The following PCDH10 variants were observed in gnomAD, a reference collection of about 807,000 sequenced individuals.
The protein encoded by PCDH10 is protocadherin-10.
PCDH10 carries 15 observed loss-of-function variants against 74.4 expected under a neutral mutation model. That is an observed-to-expected ratio of 0.20 (90% CI 0.13 to 0.31). The LOEUF (loss-of-function observed/expected upper bound fraction) is 0.31. Among genes scored for constraint, PCDH10 ranks in the 10% least tolerant of loss-of-function variants. The pLI is 1.00. For missense variants in PCDH10, 1,260 were observed against 1,390.2 expected (o/e 0.91, Z 1.49); for synonymous variants, 619 against 589.8 (o/e 1.05, Z -0.72).
intron 4 of PCDH10, among the ~76,000 whole-genome samples, chr4:133,165,301 GT>G (rs34380819): frequency 0.5 from 73,307 of 146,744 alleles, 18,319 homozygotes; most frequent in Admixed American, 0.56. Context: ...GTCTAGACTG[GT>G]TTTTTTTTTT....
intron 1 of PCDH10, among the ~76,000 whole-genome samples, 178 bp from the exon 2 acceptor site, chr4:133,154,129 C>G (rs1726807352): frequency 6.6e-6 from 1 of 151,932 alleles, no homozygotes; most frequent in Non-Finnish European, 1.5e-5. Flanking sequence ...TTTAAGTGTC[C>G]CTGCATATCT....
Position 133,190,498 on chromosome 4 carries a change from G to T in PCDH10, c.*338G>T, listed in dbSNP as rs757994366. On this transcript the variant is annotated 3_prime_UTR_variant, in exon 5 of 5. Coordinates refer to ENST00000264360, the MANE Select transcript of PCDH10 (RefSeq NM_032961.3). Reference sequence around the variant, plus strand: ...TTCACCACGAGAAGCCAGTCATAAAGATAAAGGAAATTTGTGCATTATAAA... The same window carrying T: ...TTCACCACGAGAAGCCAGTCATAAATATAAAGGAAATTTGTGCATTATAAA... 2.3e-5 allele frequency: 6 copies of T among 264,160 alleles called. No homozygotes were observed. Among genetic ancestry groups the T allele is most frequent in the Non-Finnish European group, 4.3e-5 (6 of 140,586 alleles). 16.4% of individuals were successfully genotyped at this position (264,160 alleles called of 1,614,324 possible).
chr4:133,185,705 C>A (rs1354365536), intron 4 of PCDH10, among the ~76,000 whole-genome samples: 1 of 152,052 alleles, frequency 6.6e-6, no homozygotes, highest in Non-Finnish European at 1.5e-5. Flanking sequence ...GGAAATTTTT[C>A]ACTGTAGTGG....
intron 4 of PCDH10, among the ~76,000 whole-genome samples, chr4:133,165,499 C>A (rs1463939480): frequency 6.6e-6 from 1 of 151,442 alleles, no homozygotes; most frequent in Non-Finnish European, 1.5e-5. Flanking sequence ...TACTTGTGTC[C>A]TTTTTCATTC....
chr4:133,170,791 C>A (rs957554572), intron 4 of PCDH10, among the ~76,000 whole-genome samples: 1 of 152,072 alleles, frequency 6.6e-6, no homozygotes, highest in Non-Finnish European at 1.5e-5. Context: ...CTCCCGGGTT[C>A]GAGCGATTTT....
At chr4:133,203,459 T>C (rs535381059) in intron 2 of PCDH10, among the ~76,000 whole-genome samples, 1 of 152,170 alleles carries the variant, frequency 6.6e-6, no homozygotes, top group Non-Finnish European at 1.5e-5. Flanking sequence ...AGACTTAAGT[T>C]GGGTTTTAAA....
At chr4:133,183,206 A>G (rs12506534) in intron 4 of PCDH10, among the ~76,000 whole-genome samples, 30,087 of 152,002 alleles carry the variant, frequency 0.2, 3,380 homozygotes, top group Admixed American at 0.32. Context: ...AACAAAATTG[A>G]GTTACTATAA....
downstream of PCDH10, among the ~76,000 whole-genome samples, chr4:133,194,871 G>T (rs1393524338): frequency 6.6e-6 from 1 of 151,874 alleles, no homozygotes; most frequent in Non-Finnish European, 1.5e-5. Context: ...TACCCAAAAT[G>T]AATCATAGAA....
At position 133,193,057 on chromosome 4, in the gene PCDH10, G is replaced by T. The variant is rs1320920892; in HGVS notation, c.*2897G>T. ...ATGTCATTTACTCCTTGTTAACATGGTTAGTTTTAGAGCAGTCAAAGTCAA... is the reference window on the plus strand; with the variant it reads ...ATGTCATTTACTCCTTGTTAACATGTTTAGTTTTAGAGCAGTCAAAGTCAA... On this transcript the variant is annotated 3_prime_UTR_variant, in exon 5 of 5. Coordinates refer to ENST00000264360, the MANE Select transcript of PCDH10 (RefSeq NM_032961.3). 2 of 150,828 alleles carry T rather than the reference G, an allele frequency of 1.3e-5. No individual in the cohort carries two copies. The highest frequency in any genetic ancestry group is 1.3e-4 in the Admixed American group (2 of 15,108). The allele number at this position is 150,828 out of a possible 1,614,324, so 9.3% of individuals were successfully genotyped here. A position where few individuals can be genotyped will look rare whatever the true frequency, so the allele number is the denominator to read the frequency against.
In PCDH10 at chr4:133,163,301, G is replaced by A. The variant is rs776242967; in HGVS notation, c.3103+19G>A. On this transcript the variant is annotated intron_variant, in intron 4 of 4. Transcript: ENST00000264360. The stretch of plus-strand genomic sequence containing the variant: ...TATTTGAGTAAGTATTACACAAAGG[G>A]CTCTGTTAAAGTGTTCCCTTTGAGG... 14 of 1,581,764 alleles carry A rather than the reference G, an allele frequency of 8.9e-6. No individual in the cohort carries two copies. The highest frequency in any genetic ancestry group is 1.2e-5 in the Non-Finnish European group (14 of 1,161,144).
In PCDH10 at chr4:133,152,000, C is replaced by T. The variant is rs778918037; in HGVS notation, c.1860C>T (p.Ile620=). 6.2e-7 allele frequency: 1 copy of T among 1,612,758 alleles called. No homozygotes were observed. The highest frequency in any genetic ancestry group is 1.1e-5 in the South Asian group (1 of 91,066). ...AGAACGCCCGGCTCACTTACAGCAT[C>T]GTGCGTGGCAACGAAATGAACCTCT... ...DGENARLTYS[I]VRGNEMNLFR... is the part of the protein sequence containing the mutation. The change falls in exon 1 of 5, where the codon ATC becomes ATT. Residue 620 remains isoleucine (I), a synonymous_variant. Coordinates refer to ENST00000264360, the MANE Select transcript of PCDH10 (RefSeq NM_032961.3).
At chr4:133,183,525 T>C (rs1727463581) in intron 4 of PCDH10, among the ~76,000 whole-genome samples, 1 of 152,172 alleles carries the variant, frequency 6.6e-6, no homozygotes, top group African/African-American at 2.4e-5. Context: ...AGCTCCTATT[T>C]TTAAAGCTGT....
At chr4:133,164,748 A>C (rs1007700175) in intron 4 of PCDH10, among the ~76,000 whole-genome samples, 2 of 151,440 alleles carry the variant, frequency 1.3e-5, no homozygotes, top group South Asian at 2.1e-4. Flanking sequence ...TAATGGAAAC[A>C]ATTTTTATTA....
At position 133,201,787 on chromosome 4, in the gene PCDH10, C is replaced by T. The variant is rs910825290; in HGVS notation, n.438-6289C>T. Among the ~76,000 whole-genome samples, 8 of 130,850 alleles carry T rather than the reference C, an allele frequency of 6.1e-5. No individual in the cohort carries two copies. The East Asian group carries it at 7.4e-4, about 12-fold the overall frequency. 85.8% of individuals were successfully genotyped at this position (130,850 alleles called of 152,430 possible). ...AAGAGAATCGCTTGAACCTGGGAGG[C>T]GGAGGTTGCAGTGAGCTGAGATCAT... is the stretch of plus-strand genomic sequence containing the variant. On this transcript the variant is annotated intron_variant and non_coding_transcript_variant, in intron 2 of 2. Coordinates refer to the PCDH10 transcript ENST00000511112.
At chr4:133,178,329 C>T (rs1045814383) in intron 4 of PCDH10, among the ~76,000 whole-genome samples, 1 of 151,884 alleles carries the variant, frequency 6.6e-6, no homozygotes, top group Non-Finnish European at 1.5e-5. Flanking sequence ...CTCTGCCTCC[C>T]GGATTCAAGC....
At chr4:133,165,436 A>T (rs1727058868) in intron 4 of PCDH10, among the ~76,000 whole-genome samples, 1 of 151,774 alleles carries the variant, frequency 6.6e-6, no homozygotes, top group African/African-American at 2.4e-5. Context: ...ACTCTAAAAC[A>T]AAACTATTCC....
intron 3 of PCDH10, among the ~76,000 whole-genome samples, chr4:133,160,102 A>T (rs1324351594): frequency 6.6e-6 from 1 of 151,958 alleles, no homozygotes; most frequent in African/African-American, 2.4e-5. Flanking sequence ...ATTTTTAATT[A>T]ATTTTTCTGT....
rs1348122826 is a variant in PCDH10 at position 133,149,444 on chromosome 4, G to C, written c.-697G>C. 6.6e-6 allele frequency: 1 copy of C among 152,280 alleles called. No individual in the cohort carries two copies. Among genetic ancestry groups the C allele is most frequent in the Non-Finnish European group, 1.5e-5 (1 of 68,114 alleles). 9.4% of individuals were successfully genotyped at this position (152,280 alleles called of 1,614,324 possible). A position where few individuals can be genotyped will look rare whatever the true frequency, so the allele number is the denominator to read the frequency against. ...TTACACTTACAGAGAGGCAAGTAAC[G>C]GTGGAGATGAGGACAGAGGGAACCA... On this transcript the variant is annotated 5_prime_UTR_variant, in exon 1 of 5. Coordinates refer to ENST00000264360, the MANE Select transcript of PCDH10 (RefSeq NM_032961.3).
intron 4 of PCDH10, among the ~76,000 whole-genome samples, chr4:133,169,365 C>T (rs905979488): frequency 6.6e-6 from 1 of 151,676 alleles, no homozygotes; most frequent in Non-Finnish European, 1.5e-5. Context: ...ATAGAGAAAA[C>T]ATAATCGATC....
Sources: gnomAD v4.1 joint callset for allele counts (sites outside exome capture counted in the v4.1 genomes callset) on GRCh38, gnomAD v4.1.1 for gene constraint, MANE v1.5 for transcripts, NCBI Gene and HGNC (gene_info 2026-07-23, HGNC 2026-07-21) for gene names.